Variants in QKI observed in about 807,000 individuals in gnomAD.
QKI encodes the protein KH domain-containing RNA-binding protein QKI.
QKI carries 10 observed loss-of-function variants against 39.0 expected under a neutral mutation model. The observed-to-expected ratio is 0.26, with a 90% CI of 0.16 to 0.43. QKI has a LOEUF of 0.43. Among genes scored for constraint, QKI ranks in the 20% least tolerant of loss-of-function variants. QKI has a pLI of 1.00. For synonymous variants in QKI, 204 were observed against 155.4 expected, an observed-to-expected ratio of 1.31 and a Z score of -2.33; for missense variants, 218 against 428.0, an observed-to-expected ratio of 0.51 and a Z score of 4.33.
chr6:163,489,939 T>A (rs559485526), intron 3 of QKI, among the ~76,000 whole-genome samples: 73 of 152,268 alleles, frequency 4.8e-4, no homozygotes, highest in African/African-American at 1.6e-3. Context: ...TTACTGCCTC[T>A]CCATCAAACC....
At chr6:163,445,102 C>T (rs932243177) in intron 1 of QKI, among the ~76,000 whole-genome samples, 6 of 151,920 alleles carry the variant, frequency 3.9e-5, no homozygotes, top group Non-Finnish European at 7.4e-5. Context: ...GCCATGTTGC[C>T]CAGGCTCACT....
chr6:163,427,008 A>G (rs1281731558), intron 1 of QKI, among the ~76,000 whole-genome samples: 2 of 152,250 alleles, frequency 1.3e-5, no homozygotes, highest in South Asian at 2.1e-4. Flanking sequence ...TTTCTGGGGC[A>G]CAAGGCTTCC....
At chr6:163,500,894 CTG>C (rs1778715955) in intron 3 of QKI, among the ~76,000 whole-genome samples, 1 of 152,152 alleles carries the variant, frequency 6.6e-6, no homozygotes, top group African/African-American at 2.4e-5. Context: ...ACACACATAA[CTG>C]ACAATTTTTG....
At chr6:163,569,695 A>G (rs1783589185) in intron 7 of QKI, 4 of 1,002,260 alleles carry the variant, frequency 4.0e-6, no homozygotes, top group Admixed American at 1.2e-4. Flanking sequence ...AAAAGAAAAT[A>G]GTATTTACAG....
intron 3 of QKI, among the ~76,000 whole-genome samples, chr6:163,519,967 A>G (rs557858290): frequency 3.9e-5 from 6 of 152,162 alleles, no homozygotes; most frequent in Non-Finnish European, 8.8e-5. Flanking sequence ...GTCTTAGGAA[A>G]CATGGCTTTA....
At chr6:163,435,275 C>T (rs952144723) in intron 1 of QKI, among the ~76,000 whole-genome samples, 1 of 152,152 alleles carries the variant, frequency 6.6e-6, no homozygotes, top group Non-Finnish European at 1.5e-5. Flanking sequence ...TGGTGGTTGC[C>T]TTAGAATGAT....
intron 3 of QKI, among the ~76,000 whole-genome samples, chr6:163,492,477 ATTC>A (rs1353686157): frequency 6.6e-6 from 1 of 152,182 alleles, no homozygotes; most frequent in Non-Finnish European, 1.5e-5. Flanking sequence ...TGTTGAAATT[ATTC>A]TTCATTTTGT....
At chr6:163,509,264 A>G (rs572429180) in intron 3 of QKI, among the ~76,000 whole-genome samples, 1 of 152,320 alleles carries the variant, frequency 6.6e-6, no homozygotes, top group South Asian at 2.1e-4. Flanking sequence ...GAAATGAAAG[A>G]TAACAGACAG....
intron 3 of QKI, among the ~76,000 whole-genome samples, chr6:163,488,985 T>TTC (rs1456834706): frequency 6.6e-6 from 1 of 150,628 alleles, no homozygotes; most frequent in African/African-American, 2.4e-5. Flanking sequence ...TTTTTTTTTT[T>TTC]TTTTTAAACA....
At chr6:163,484,649 C>T (rs768039245) in intron 3 of QKI, among the ~76,000 whole-genome samples, 6 of 152,180 alleles carry the variant, frequency 3.9e-5, no homozygotes, top group Non-Finnish European at 7.3e-5. Context: ...TTCTCTCTAG[C>T]TATGAAAGTT....
chr6:163,497,203 C>T (rs1354618585), intron 3 of QKI, among the ~76,000 whole-genome samples: 3 of 151,788 alleles, frequency 2.0e-5, no homozygotes, highest in Non-Finnish European at 4.4e-5. Flanking sequence ...AGGCCTTTAC[C>T]TTGTTCAGTA....
At chr6:163,494,590 C>T (rs1778281669) in intron 3 of QKI, among the ~76,000 whole-genome samples, 1 of 151,800 alleles carries the variant, frequency 6.6e-6, no homozygotes, top group African/African-American at 2.4e-5. Context: ...CACCTTTTTA[C>T]TTCAGTTCAT....
At chr6:163,462,327 C>T (rs539057654) in intron 2 of QKI, among the ~76,000 whole-genome samples, 37 of 152,244 alleles carry the variant, frequency 2.4e-4, no homozygotes, top group South Asian at 1.9e-3. Flanking sequence ...TTGGGGATTT[C>T]TTGAAATCTT....
Position 163,415,181 on chromosome 6 carries a change from C to CG in QKI, c.-11dup, listed in dbSNP as rs780851261. On this transcript the variant is annotated 5_prime_UTR_variant, in exon 1 of 8. Coordinates refer to ENST00000361752, the MANE Select transcript of QKI (RefSeq NM_006775.3). ...CGGCGGCGGCGGGCGGAGTGAGCTG[C>CG]GGAGCCTGGAATATGGTCGGGGAAA... 28 of 1,532,594 alleles carry CG rather than the reference C, an allele frequency of 1.8e-5. No homozygotes were observed. The highest frequency in any genetic ancestry group is 2.2e-5 in the Non-Finnish European group (25 of 1,132,770). The allele number at this position is 1,532,594 out of a possible 1,614,324, so 94.9% of individuals were successfully genotyped here.
chr6:163,450,371 A>G (rs1790466677), intron 1 of QKI, among the ~76,000 whole-genome samples: 1 of 152,188 alleles, frequency 6.6e-6, no homozygotes, highest in African/African-American at 2.4e-5. Flanking sequence ...TAATTCAGAT[A>G]TTAAAAGGAT....
At chr6:163,453,982 G>A (rs1288056926) in intron 1 of QKI, among the ~76,000 whole-genome samples, 1 of 152,010 alleles carries the variant, frequency 6.6e-6, no homozygotes, top group African/African-American at 2.4e-5. Context: ...AAATTAAAGA[G>A]TGCCTTCATA....
intron 1 of QKI, among the ~76,000 whole-genome samples, chr6:163,454,449 C>T (rs989649728): frequency 6.6e-6 from 1 of 152,160 alleles, no homozygotes; most frequent in Non-Finnish European, 1.5e-5. Context: ...TACCCTCTTT[C>T]CCTTGAAACT....
intron 1 of QKI, among the ~76,000 whole-genome samples, chr6:163,451,803 A>G (rs1251779523): frequency 1.3e-5 from 2 of 152,170 alleles, no homozygotes; most frequent in African/African-American, 2.4e-5. Flanking sequence ...ATTAGTTATG[A>G]AGCATTCCTA....
rs1011452261 is a variant in QKI, at chr6:163,569,844, T to A, written c.1010-850T>A. ...TTTAAAATGCCTTATTGGTATCAAT[T>A]AGAAATTTCTTCTATTTTTTGATGT... On this transcript the variant is annotated intron_variant, in intron 7 of 7. Coordinates refer to ENST00000361752, the MANE Select transcript of QKI (RefSeq NM_006775.3). 3 of 986,444 alleles carry A rather than the reference T, an allele frequency of 3.0e-6. No individual in the cohort carries two copies. In the African/African-American group the frequency reaches 5.2e-5, roughly 17 times the overall value. 61.1% of individuals were successfully genotyped at this position (986,444 alleles called of 1,614,324 possible).
Sources: gnomAD v4.1 joint callset for allele counts (sites outside exome capture counted in the v4.1 genomes callset) on GRCh38, gnomAD v4.1.1 for gene constraint, MANE v1.5 for transcripts, NCBI Gene and HGNC (gene_info 2026-07-23, HGNC 2026-07-21) for gene names.